Variants in SLC44A5 observed in about 807,000 individuals in gnomAD.
SLC44A5 encodes the protein solute carrier family 44 member 5.
In SLC44A5, 57 loss-of-function variants were observed where a neutral mutation model predicts 101.8. The ratio of observed to expected loss-of-function variants is 0.56; its 90% CI spans 0.45 to 0.70. SLC44A5 has a LOEUF of 0.70. Ranked by LOEUF, SLC44A5 falls within the 30% of genes least tolerant of loss-of-function variation. The pLI is 0.00. For missense variants in SLC44A5, 737 were observed against 853.1 expected, an observed-to-expected ratio of 0.86 and a Z score of 1.70; for synonymous variants, 281 against 290.9, an observed-to-expected ratio of 0.97 and a Z score of 0.35.
intron 2 of SLC44A5, among the ~76,000 whole-genome samples, chr1:75,506,045 G>A (rs993584897): frequency 3.3e-5 from 5 of 152,042 alleles, no homozygotes; most frequent in Non-Finnish European, 1.5e-5. Context: ...CAAGGTAGGG[G>A]TCTAGTTTCA....
chr1:75,247,968 G>A (rs1649258393), intron 7 of SLC44A5, among the ~76,000 whole-genome samples: 1 of 152,044 alleles, frequency 6.6e-6, no homozygotes, highest in African/African-American at 2.4e-5. Context: ...GGAGGGGGAT[G>A]TGGGATCAAG....
intron 2 of SLC44A5, among the ~76,000 whole-genome samples, chr1:75,470,131 A>G (rs114124427): frequency 1.4e-3 from 218 of 152,294 alleles, no homozygotes; most frequent in African/African-American, 5.1e-3. Context: ...AACCCTGGAA[A>G]GATAAGAGCT....
intron 3 of SLC44A5, among the ~76,000 whole-genome samples, chr1:75,376,802 C>T (rs1236075486): frequency 6.6e-6 from 1 of 152,210 alleles, no homozygotes; most frequent in Non-Finnish European, 1.5e-5. Flanking sequence ...AGTTCCTCAC[C>T]AGCAATGGAA....
chr1:75,217,826 T>A (rs1321247964), intron 18 of SLC44A5, 40 bp downstream of exon 18: 2 of 1,345,188 alleles, frequency 1.5e-6, no homozygotes, highest in African/African-American at 2.9e-5. Flanking sequence ...CCCAACCCAA[T>A]TTATTATCTT....
At chr1:75,335,363 C>T (rs1434466714) in intron 4 of SLC44A5, among the ~76,000 whole-genome samples, 1 of 152,186 alleles carries the variant, frequency 6.6e-6, no homozygotes, top group Non-Finnish European at 1.5e-5. Flanking sequence ...AATTTAACTG[C>T]TGAGCCGAAC....
intron 1 of SLC44A5, among the ~76,000 whole-genome samples, chr1:75,548,760 T>C (rs1671785667): frequency 6.6e-6 from 1 of 152,138 alleles, no homozygotes; most frequent in South Asian, 2.1e-4. Flanking sequence ...AGGACCTTGG[T>C]GGTCATATTC....
chr1:75,508,893 C>A (rs1669413368), intron 2 of SLC44A5, among the ~76,000 whole-genome samples: 1 of 152,176 alleles, frequency 6.6e-6, no homozygotes, highest in Non-Finnish European at 1.5e-5. Context: ...TTGACCTATG[C>A]CACACCTTTG....
chr1:75,251,439 T>C (rs780193937), intron 6 of SLC44A5, 145 bp from the exon 7 acceptor site: 6 of 604,846 alleles, frequency 9.9e-6, no homozygotes, highest in Non-Finnish European at 1.7e-5. Flanking sequence ...CTCCCTTAGG[T>C]ACCTAACCTT....
At chr1:75,616,953 G>T in the SLC44A5 span, among the ~76,000 whole-genome samples, 1 of 152,182 alleles carries the variant, frequency 6.6e-6, no homozygotes, top group Admixed American at 6.5e-5. Context: ...TCTCTGATTG[G>T]GGGTTTGCTT....
At chr1:75,535,419 A>G (rs1670943754) in intron 2 of SLC44A5, among the ~76,000 whole-genome samples, 2 of 152,166 alleles carry the variant, frequency 1.3e-5, no homozygotes, top group Non-Finnish European at 2.9e-5. Context: ...CAAAAGGGCA[A>G]GTCAGTTCTA....
chr1:75,499,048 T>G (rs1310477595), intron 2 of SLC44A5, among the ~76,000 whole-genome samples: 2 of 152,196 alleles, frequency 1.3e-5, no homozygotes, highest in Admixed American at 6.5e-5. Flanking sequence ...CCTAGTTAGC[T>G]GCAGTATTCA....
chr1:75,260,422 CAAAG>C (rs1328337217), intron 6 of SLC44A5, among the ~76,000 whole-genome samples: 3 of 152,014 alleles, frequency 2.0e-5, no homozygotes, highest in Non-Finnish European at 4.4e-5. Context: ...TCAAAAGAGA[CAAAG>C]AAGGGCATTA....
chr1:75,716,628 T>C, the SLC44A5 span, among the ~76,000 whole-genome samples: 1 of 152,164 alleles, frequency 6.6e-6, no homozygotes, highest in Non-Finnish European at 1.5e-5. Context: ...CAAAGGAATA[T>C]ACATCATTCT....
chr1:75,217,644 T>C (rs1257013047), intron 18 of SLC44A5, among the ~76,000 whole-genome samples: 1 of 152,070 alleles, frequency 6.6e-6, no homozygotes, highest in Non-Finnish European at 1.5e-5. Context: ...GCTTAACAAA[T>C]AGGATCACAC....
the SLC44A5 span, among the ~76,000 whole-genome samples, chr1:75,682,486 G>C: frequency 6.1e-4 from 92 of 151,790 alleles, no homozygotes; most frequent in African/African-American, 1.9e-3. Flanking sequence ...ACAAACCTGA[G>C]AAAAACAAGC....
the SLC44A5 span, among the ~76,000 whole-genome samples, chr1:75,672,364 G>A: frequency 6.6e-6 from 1 of 152,116 alleles, no homozygotes; most frequent in Non-Finnish European, 1.5e-5. Flanking sequence ...AAAGCAACAA[G>A]GGGCAAAACT....
At chr1:75,587,589 G>T (rs1674084310) in intron 1 of SLC44A5, among the ~76,000 whole-genome samples, 1 of 152,138 alleles carries the variant, frequency 6.6e-6, no homozygotes, top group Non-Finnish European at 1.5e-5. Context: ...TCCAGTTGTT[G>T]TTTTGGTAAT....
the SLC44A5 span, among the ~76,000 whole-genome samples, chr1:75,700,765 C>A: frequency 2.0e-5 from 3 of 151,872 alleles, no homozygotes; most frequent in South Asian, 6.3e-4. Flanking sequence ...GCTAGCAAGA[C>A]TAATAAAGAA....
intron 2 of SLC44A5, among the ~76,000 whole-genome samples, chr1:75,479,901 G>T (rs550666830): frequency 9.2e-5 from 14 of 152,238 alleles, no homozygotes; most frequent in African/African-American, 1.4e-4. Flanking sequence ...ACTCATTTGA[G>T]GAGGCCAGCA....
Sources: gnomAD v4.1 joint callset for allele counts (sites outside exome capture counted in the v4.1 genomes callset) on GRCh38, gnomAD v4.1.1 for gene constraint, MANE v1.5 for transcripts, NCBI Gene and HGNC (gene_info 2026-07-23, HGNC 2026-07-21) for gene names.